SCN8A: variants seen among roughly 807,000 people sequenced by gnomAD.
SCN8A encodes the protein sodium channel protein type 8 subunit alpha.
A neutral mutation model predicts 184.1 loss-of-function variants in SCN8A; 30 were observed. The ratio of observed to expected loss-of-function variants is 0.16; its 90% CI spans 0.12 to 0.22. SCN8A has a LOEUF of 0.22. Ranked by LOEUF, SCN8A falls within the 10% of genes least tolerant of loss-of-function variation. The probability of loss-of-function intolerance (pLI) is 1.00; values close to 1 mark genes in which losing one functional copy is unlikely to be tolerated. For synonymous variants in SCN8A, 852 were observed against 907.0 expected, an observed-to-expected ratio of 0.94 and a Z score of 1.09; for missense variants, 1,057 against 2,498.9, an observed-to-expected ratio of 0.42 and a Z score of 12.30.
At chr12:51,682,277 T>G (rs1941348712) in intron 2 of SCN8A, among the ~76,000 whole-genome samples, 1 of 152,208 alleles carries the variant, frequency 6.6e-6, no homozygotes, top group African/African-American at 2.4e-5. Flanking sequence ...ATAAGGGATG[T>G]TAGTATAGAG....
intron 2 of SCN8A, among the ~76,000 whole-genome samples, chr12:51,666,278 G>A (rs1037921478): frequency 1.2e-4 from 19 of 152,266 alleles, no homozygotes; most frequent in African/African-American, 2.9e-4. Context: ...CAGGTTCAGG[G>A]AGTGTCTTCC....
At chr12:51,619,788 A>G (rs1668821066) in intron 1 of SCN8A, among the ~76,000 whole-genome samples, 1 of 152,330 alleles carries the variant, frequency 6.6e-6, no homozygotes, top group East Asian at 1.9e-4. Flanking sequence ...AGGGAAGGAT[A>G]TAACAGTCAA....
At chr12:51,745,290 G>C (rs1172355496) in intron 12 of SCN8A, among the ~76,000 whole-genome samples, 1 of 152,180 alleles carries the variant, frequency 6.6e-6, no homozygotes, top group Non-Finnish European at 1.5e-5. Context: ...ATTTAATTAA[G>C]ATAGCAAAAC....
chr12:51,779,537 A>G (rs1937830594), intron 20 of SCN8A, among the ~76,000 whole-genome samples: 1 of 152,120 alleles, frequency 6.6e-6, no homozygotes, highest in Admixed American at 6.5e-5. Context: ...TCCTGTTGGA[A>G]TGTTGTTGTG....
chr12:51,727,522 A>G (rs1323832753), intron 12 of SCN8A, among the ~76,000 whole-genome samples: 1 of 152,104 alleles, frequency 6.6e-6, no homozygotes, highest in East Asian at 1.9e-4. Flanking sequence ...TCCCACTGCC[A>G]GGTGATGAGA....
chr12:51,721,483 A>T, intron 11 of SCN8A, 63 bp from the exon 12 acceptor site: 1 of 1,499,632 alleles, frequency 6.7e-7, no homozygotes, highest in Non-Finnish European at 8.9e-7. Flanking sequence ...TTTGCTCAGT[A>T]TAAAGGTCCA....
chr12:51,625,266 C>T (rs917956646), intron 1 of SCN8A, among the ~76,000 whole-genome samples: 4 of 152,152 alleles, frequency 2.6e-5, no homozygotes, highest in South Asian at 2.1e-4. Context: ...CAAAATGTCA[C>T]GTGAGTGGAA....
At chr12:51,712,670 T>A in intron 11 of SCN8A, 2 of 827,446 alleles carry the variant, frequency 2.4e-6, no homozygotes, top group Middle Eastern at 2.6e-4. Flanking sequence ...ATTGTAACCA[T>A]CATATCCTCC....
rs7966498 is a variant in SCN8A, at chr12:51,654,653, A to G, written c.-54-8111A>G. On this transcript the variant is annotated intron_variant, in intron 1 of 26. Transcript: ENST00000627620. ...CCTCCAACTTTGTTTTTTTTCAAGT[A>G]TGAGACAAGATCTTTTTAATTTTCC... 6.5e-3 allele frequency among the ~76,000 whole-genome samples: 986 copies of G among 152,178 alleles called. 8 individuals carry two copies. The highest frequency in any genetic ancestry group is 9.0e-3 in the Admixed American group (138 of 15,278).
intron 2 of SCN8A, among the ~76,000 whole-genome samples, chr12:51,670,683 AAG>A (rs1941114844): frequency 6.6e-6 from 1 of 152,188 alleles, no homozygotes; most frequent in African/African-American, 2.4e-5. Context: ...GCCAGAAGGA[AAG>A]AGAACTGAAA....
At chr12:51,692,755 T>G (rs1941532882) in intron 6 of SCN8A, among the ~76,000 whole-genome samples, 1 of 152,260 alleles carries the variant, frequency 6.6e-6, no homozygotes, top group Non-Finnish European at 1.5e-5. Context: ...CTCTGCATGC[T>G]TTGATCATGT....
rs752174650 is a variant in SCN8A, at chr12:51,806,757, C to T, written c.5271C>T (p.Val1757=). The T allele has an allele frequency of 1.4e-5, 23 of 1,614,038 alleles. No individual in the cohort carries two copies. The highest frequency in any genetic ancestry group is 4.4e-5 in the South Asian group (4 of 91,080). ...ACATCATCATCTCTTTCCTAATTGT[C>T]GTGAACATGTACATTGCCATCATCC... The part of the protein sequence containing the change: ...VSYIIISFLI[V]VNMYIAIILE... Residue 1757 remains valine (V), a synonymous_variant, in exon 27 of 27, where the codon GTC becomes GTT. Transcript: ENST00000627620. This position sits in a 1 kb window ranked among gnomAD's most constrained non-coding sequence, Gnocchi z 8.7.
intron 2 of SCN8A, among the ~76,000 whole-genome samples, chr12:51,679,975 C>T (rs949729029): frequency 7.2e-5 from 11 of 151,940 alleles, no homozygotes; most frequent in African/African-American, 2.2e-4. Flanking sequence ...CCACTCACCT[C>T]GACCTCCCAA....
chr12:51,722,881 G>A (rs1565900474), intron 12 of SCN8A: 1 of 152,142 alleles, frequency 6.6e-6, no homozygotes, highest in Non-Finnish European at 1.5e-5. Context: ...TAAGCTGTTT[G>A]TATCTTTTTT....
chr12:51,605,173 A>G (rs1939561083), intron 1 of SCN8A, among the ~76,000 whole-genome samples: 1 of 150,172 alleles, frequency 6.7e-6, no homozygotes, highest in South Asian at 2.1e-4. Flanking sequence ...TACATCAGTA[A>G]GTTCTTTAGT....
chr12:51,653,299 A>G (rs891350166), intron 1 of SCN8A, among the ~76,000 whole-genome samples: 2 of 152,134 alleles, frequency 1.3e-5, no homozygotes, highest in African/African-American at 4.8e-5. Flanking sequence ...TCATCATCCC[A>G]AACTGAAACT....
At chr12:51,672,461 C>T (rs190719769) in intron 2 of SCN8A, among the ~76,000 whole-genome samples, 1 of 152,096 alleles carries the variant, frequency 6.6e-6, no homozygotes, top group African/African-American at 2.4e-5. Context: ...TCAAATGTTT[C>T]CTTCTCTTTC....
In SCN8A at chr12:51,696,527, ATTTCCCAGGGCCTTAGG is replaced by A. The variant is rs1941595559; in HGVS notation, c.707-3039_707-3023del. 1.6e-4 allele frequency among the ~76,000 whole-genome samples: 24 copies of A among 152,278 alleles called. No individual in the cohort carries two copies. In the South Asian group the frequency reaches 4.8e-3, roughly 30 times the overall value. On this transcript the variant is annotated intron_variant, in intron 6 of 26. Coordinates refer to ENST00000627620, the MANE Select transcript of SCN8A (RefSeq NM_001330260.2). ...TACCTAGCTGTGTGATTATGATACG[ATTTCCCAGGGCCTTAGG>A]TTTAAAAGATAGCTTGAAATTTCAA... is the stretch of plus-strand genomic sequence containing the variant.
chr12:51,797,969 G>A (rs1413006016), intron 26 of SCN8A, among the ~76,000 whole-genome samples: 1 of 152,168 alleles, frequency 6.6e-6, no homozygotes, highest in African/African-American at 2.4e-5. Flanking sequence ...GGTCACTAGG[G>A]GTGATGGGGA....
Sources: allele counts gnomAD v4.1 joint callset (sites outside exome capture counted in the v4.1 genomes callset), GRCh38; gene constraint gnomAD v4.1.1; non-coding constraint Gnocchi (gnomAD v3.1); transcripts MANE v1.5; gene names NCBI Gene and HGNC (gene_info 2026-07-23, HGNC 2026-07-21).